Variants in CROCC observed in about 807,000 individuals in gnomAD.
CROCC encodes rootletin.
A neutral mutation model predicts 245.2 loss-of-function variants in CROCC; 180 were observed. The ratio of observed to expected loss-of-function variants is 0.73; its 90% CI spans 0.65 to 0.83. CROCC has a LOEUF of 0.83. CROCC is among the 40% of genes least tolerant of loss of function. The pLI is 0.00. For synonymous variants in CROCC, 1,205 were observed against 1,241.6 expected (o/e 0.97, Z 0.62); for missense variants, 2,688 against 2,779.4 (o/e 0.97, Z 0.74).
chr1:16,945,315 G>A lies in CROCC; in HGVS notation c.1992-147G>A, dbSNP rs552501984. The A allele has an allele frequency of 5.2e-4, 568 of 1,094,812 alleles. No homozygotes were observed. In the East Asian group the frequency reaches 0.013, roughly 25 times the overall value. 67.8% of individuals were successfully genotyped at this position (1,094,812 alleles called of 1,614,324 possible). A position where few individuals can be genotyped will look rare whatever the true frequency, so the allele number is the denominator to read the frequency against. The stretch of plus-strand genomic sequence containing the variant: ...GAGGCCCAGGGTCATGGAGCTAAGC[G>A]GTAGTGGGCTTGGTTGCCCTGTGGC... On this transcript the variant is annotated intron_variant, in intron 14 of 36. Transcript: ENST00000375541.
intron 3 of CROCC, among the ~76,000 whole-genome samples, chr1:16,926,063 C>G (rs897019134): frequency 6.6e-6 from 1 of 152,272 alleles, no homozygotes; most frequent in Non-Finnish European, 1.5e-5. Context: ...TGCTGGGACA[C>G]AGCTGCTGGG....
chr1:16,965,988 C>G lies in CROCC; in HGVS notation c.4576-11C>G. ...GGGGTCTGTCTTTGTTCCCCCATGT[C>G]GGGGCTACAGGACGAACTTCGGACC... On this transcript the variant is annotated splice_polypyrimidine_tract_variant and intron_variant, in intron 28 of 36. Coordinates refer to ENST00000375541, the MANE Select transcript of CROCC (RefSeq NM_014675.5). 2 of 1,610,294 alleles carry G rather than the reference C, an allele frequency of 1.2e-6. No individual in the cohort carries two copies. Among genetic ancestry groups the G allele is most frequent in the Non-Finnish European group, 1.7e-6 (2 of 1,177,280 alleles).
rs778415227 is a variant in CROCC at position 16,948,533 on chromosome 1, T to G, written c.2708+9T>G. ...GAGGCCACACGCCTGCGGTAAGGCC[T>G]TGGGCTCTGCCCAACCCGCCCTGGG... On this transcript the variant is annotated intron_variant, in intron 18 of 36. Transcript: ENST00000375541. 1.3e-6 allele frequency: 2 copies of G among 1,525,222 alleles called. No homozygotes were observed. Among genetic ancestry groups the G allele is most frequent in the South Asian group, 2.5e-5 (2 of 80,026 alleles). 94.5% of individuals were successfully genotyped at this position (1,525,222 alleles called of 1,614,324 possible).
At chr1:16,952,601 C>G (rs1352025651) in intron 20 of CROCC, among the ~76,000 whole-genome samples, 2 of 152,168 alleles carry the variant, frequency 1.3e-5, no homozygotes, top group African/African-American at 2.4e-5. Context: ...TGCCTGTGGG[C>G]TCTGCCTGCC....
chr1:16,935,272 GAC>G (rs1447031940), intron 8 of CROCC, among the ~76,000 whole-genome samples: 2 of 152,202 alleles, frequency 1.3e-5, no homozygotes, highest in Admixed American at 6.5e-5. Context: ...CACACACAGA[GAC>G]ACACAGACAC....
At position 16,953,387 on chromosome 1, in the gene CROCC, T is replaced by A. The variant is rs891474636; in HGVS notation, c.3092T>A (p.Leu1031Gln). The change falls in exon 21 of 37, where the codon CTG (leucine) becomes CAG (glutamine). Residue 1031 changes from leucine (L) to glutamine (Q), a missense_variant. This residue lies in a region of CROCC where 106 missense variants were observed against 126.1 expected (regional missense o/e 0.84). Transcript: ENST00000375541. ...QREQEELLAR[L>Q]EAEKEELSEE... ...GAGCAGGAGGAGCTGCTGGCCCGGC[T>A]GGAGGCTGAGAAGGAAGAGCTGAGT... The A allele has an allele frequency of 9.3e-6, 15 of 1,610,672 alleles. No individual in the cohort carries two copies. Among genetic ancestry groups the A allele is most frequent in the Non-Finnish European group, 1.3e-5 (15 of 1,179,746 alleles).
intron 8 of CROCC, among the ~76,000 whole-genome samples, chr1:16,934,212 G>A (rs2075740471): frequency 6.6e-6 from 1 of 152,218 alleles, no homozygotes; most frequent in South Asian, 2.1e-4. Context: ...TTAGAATTCT[G>A]GAATGAGGCA....
intron 8 of CROCC, among the ~76,000 whole-genome samples, chr1:16,935,478 T>C (rs1420727246): frequency 1.3e-5 from 2 of 152,270 alleles, no homozygotes; most frequent in Non-Finnish European, 2.9e-5. Flanking sequence ...TGGAGTGCAG[T>C]GGCCCAATCT....
chr1:16,935,237 A>G (rs1040713117), intron 8 of CROCC, among the ~76,000 whole-genome samples: 5 of 152,246 alleles, frequency 3.3e-5, no homozygotes, highest in African/African-American at 7.2e-5. Flanking sequence ...GTTATCTTAC[A>G]TAATCAAATA....
chr1:16,929,332 C>T (rs1157236889), intron 3 of CROCC, among the ~76,000 whole-genome samples: 3 of 152,286 alleles, frequency 2.0e-5, no homozygotes, highest in African/African-American at 7.2e-5. Flanking sequence ...TTCCCATGAG[C>T]TCATCCCATT....
chr1:16,927,695 A>T (rs1238462477), intron 3 of CROCC, among the ~76,000 whole-genome samples: 1 of 152,266 alleles, frequency 6.6e-6, no homozygotes, highest in Non-Finnish European at 1.5e-5. Context: ...AGCCACCAAC[A>T]TCAGTGCACA....
chr1:16,914,238 C>T (rs868713188), intron 1 of CROCC, among the ~76,000 whole-genome samples: 51 of 152,204 alleles, frequency 3.4e-4, no homozygotes, highest in Admixed American at 1.5e-3. Flanking sequence ...CGTACCGGGG[C>T]TGGGGGCGCT....
At chr1:16,923,077 G>A (rs1247222289) in intron 2 of CROCC, among the ~76,000 whole-genome samples, 18 of 152,266 alleles carry the variant, frequency 1.2e-4, no homozygotes, top group East Asian at 3.8e-4. Context: ...CCCAAATCCC[G>A]TATTCCCACC....
chr1:16,934,342 C>G (rs1379537301), intron 8 of CROCC, among the ~76,000 whole-genome samples: 2 of 152,198 alleles, frequency 1.3e-5, no homozygotes, highest in Non-Finnish European at 1.5e-5. Context: ...CTCTGTTGCC[C>G]AGGCTGGAGT....
Position 16,924,290 on chromosome 1 carries a change from C to T in CROCC, c.197-35C>T, listed in dbSNP as rs2075478814. The T allele has an allele frequency of 3.1e-6, 5 of 1,601,106 alleles. No individual in the cohort carries two copies. In the East Asian group the frequency reaches 1.1e-4, roughly 36 times the overall value. On this transcript the variant is annotated intron_variant, in intron 2 of 36. Coordinates refer to ENST00000375541, the MANE Select transcript of CROCC (RefSeq NM_014675.5). ...TGGGGGGAGGATGTCCCACTGGACC[C>T]AGAAGCCAACCATGTGCCCACTGTC...
intron 7 of CROCC, 118 bp from the exon 8 acceptor site, chr1:16,931,173 A>C: frequency 1.2e-6 from 1 of 857,342 alleles, no homozygotes; most frequent in Non-Finnish European, 1.9e-6. Flanking sequence ...ACAGACCCAC[A>C]GGAAGACCCA....
chr1:16,953,264 T>G, intron 20 of CROCC, 38 bp from the exon 21 acceptor site: 1 of 1,543,180 alleles, frequency 6.5e-7, no homozygotes, highest in South Asian at 1.2e-5. Flanking sequence ...CTGGGCCCCC[T>G]CCTGGTGTGT....
chr1:16,935,219 C>A (rs1285675646), intron 8 of CROCC, among the ~76,000 whole-genome samples: 1 of 152,214 alleles, frequency 6.6e-6, no homozygotes, highest in Non-Finnish European at 1.5e-5. Flanking sequence ...CTTAAGTGAC[C>A]TTCCAGGGTT....
chr1:16,946,899 C>G lies in CROCC; in HGVS notation c.2422C>G (p.Leu808Val). ...EVARQGLEGS[L>V]RVAEQAQEAL... ...GGCGCGGCAGGGCCTGGAGGGCTCC[C>G]TACGAGTGGCGGAGCAGGCCCAGGA... The change falls in exon 17 of 37, where the codon CTA becomes GTA. Residue 808 changes from leucine (L) to valine (V), a missense_variant. This residue lies in a region of CROCC where 295 missense variants were observed against 241.7 expected (regional missense o/e 1.22). Coordinates refer to ENST00000375541, the MANE Select transcript of CROCC (RefSeq NM_014675.5). The G allele has an allele frequency of 6.4e-7, 1 of 1,565,622 alleles. No homozygotes were observed. The highest frequency in any genetic ancestry group is 8.7e-7 in the Non-Finnish European group (1 of 1,155,516).
Sources: allele counts gnomAD v4.1 joint callset (sites outside exome capture counted in the v4.1 genomes callset), GRCh38; gene constraint gnomAD v4.1.1; regional missense constraint gnomAD v4.1.1; transcripts MANE v1.5; gene names NCBI Gene and HGNC (gene_info 2026-07-23, HGNC 2026-07-21).